Variants in IQCE observed in about 807,000 individuals in gnomAD.
The protein encoded by IQCE is IQ motif containing E, also known as IQ domain-containing protein E.
IQCE carries 115 observed loss-of-function variants against 96.0 expected under a neutral mutation model. The observed-to-expected ratio is 1.20, with a 90% CI of 1.03 to 1.40. The LOEUF is 1.40. Ranked by LOEUF, IQCE falls within the 40% of genes most tolerant of loss-of-function variation. The pLI is 0.00. For missense variants in IQCE, 1,041 were observed against 909.1 expected, an observed-to-expected ratio of 1.15 and a Z score of -1.87; for synonymous variants, 412 against 371.2, an observed-to-expected ratio of 1.11 and a Z score of -1.26.
intron 3 of IQCE, among the ~76,000 whole-genome samples, chr7:2,570,364 G>A (rs1178552835): frequency 2.0e-5 from 3 of 151,764 alleles, no homozygotes; most frequent in Non-Finnish European, 4.4e-5. Flanking sequence ...CTCTTAGGAG[G>A]GAAATGTAAT....
chr7:2,563,126 A>G (rs1019344361), intron 1 of IQCE, among the ~76,000 whole-genome samples: 6 of 151,924 alleles, frequency 3.9e-5, no homozygotes, highest in South Asian at 2.1e-4. Context: ...GGGTGTCACT[A>G]TGTCACCCAG....
intron 15 of IQCE, 31 bp from the exon 16 acceptor site, chr7:2,594,855 A>T: frequency 1.1e-5 from 15 of 1,338,926 alleles, no homozygotes; most frequent in Non-Finnish European, 1.6e-5. Context: ...GTGACAGGTG[A>T]GGTGTCTCAT....
intron 6 of IQCE, among the ~76,000 whole-genome samples, chr7:2,574,844 C>T (rs948688159): frequency 3.9e-5 from 6 of 152,204 alleles, no homozygotes; most frequent in African/African-American, 7.2e-5. Flanking sequence ...ATGCTTTCTG[C>T]TGGCCTCTGC....
At position 2,587,730 on chromosome 7, in the gene IQCE, C is replaced by T. The variant is rs1014797908; in HGVS notation, c.989-92C>T. Reference sequence around the variant, plus strand: ...GCAGCCCCGCAGGCTGCTCCGGCTGCGGAAGAGGAGCCTCAGGCCATACCT... The same window carrying T: ...GCAGCCCCGCAGGCTGCTCCGGCTGTGGAAGAGGAGCCTCAGGCCATACCT... On this transcript the variant is annotated intron_variant, in intron 12 of 21. Coordinates refer to ENST00000402050, the MANE Select transcript of IQCE (RefSeq NM_152558.5). The T allele has an allele frequency of 2.1e-5, 27 of 1,290,304 alleles. 1 individual carries two copies. The highest frequency in any genetic ancestry group is 7.0e-5 in the East Asian group (3 of 43,000). The allele number at this position is 1,290,304 out of a possible 1,614,324, so 79.9% of individuals were successfully genotyped here. A position where few individuals can be genotyped will look rare whatever the true frequency, so the allele number is the denominator to read the frequency against.
intron 13 of IQCE, among the ~76,000 whole-genome samples, chr7:2,588,420 C>G (rs566565149): frequency 6.6e-6 from 1 of 150,384 alleles, no homozygotes; most frequent in Non-Finnish European, 1.5e-5. Flanking sequence ...GTGGCGCGAT[C>G]TCAGGTCACG....
chr7:2,582,545 G>T (rs774662924), intron 8 of IQCE, 35 bp from the exon 9 acceptor site: 1 of 1,597,338 alleles, frequency 6.3e-7, no homozygotes, highest in Non-Finnish European at 8.6e-7. Flanking sequence ...GGGAGAGAGG[G>T]CGTGGCCTGC....
intron 1 of IQCE, among the ~76,000 whole-genome samples, chr7:2,560,524 C>T (rs191605504): frequency 2.0e-5 from 3 of 152,352 alleles, no homozygotes; most frequent in Non-Finnish European, 4.4e-5. Context: ...CCCCAGGGCA[C>T]CACGTCCTGT....
chr7:2,564,590 T>G (rs1306421196), intron 1 of IQCE, among the ~76,000 whole-genome samples: 2 of 151,978 alleles, frequency 1.3e-5, no homozygotes, highest in Non-Finnish European at 2.9e-5. Context: ...AAGGCGAGAT[T>G]CTGTCTCAAA....
chr7:2,607,622 C>T, intron 21 of IQCE: 1 of 1,045,928 alleles, frequency 9.6e-7, no homozygotes, highest in Non-Finnish European at 1.2e-6. Context: ...CAGGATGCCA[C>T]ACCCTGGTGT....
intron 14 of IQCE, among the ~76,000 whole-genome samples, chr7:2,590,716 G>A (rs1268398430): frequency 2.0e-5 from 3 of 152,038 alleles, no homozygotes; most frequent in Non-Finnish European, 4.4e-5. Context: ...AGTGAGCTAT[G>A]ATCATGTCAC....
intron 13 of IQCE, among the ~76,000 whole-genome samples, chr7:2,588,682 T>TTTTTTTG (rs71026532): frequency 7.7e-6 from 1 of 130,020 alleles, no homozygotes; most frequent in African/African-American, 3.0e-5. Context: ...TTTTTTTTTT[T>TTTTTTTG]GAGGTGGAGT....
intron 2 of IQCE, among the ~76,000 whole-genome samples, 190 bp from the exon 3 acceptor site, chr7:2,568,764 G>A (rs1352180334): frequency 6.6e-6 from 1 of 152,150 alleles, no homozygotes; most frequent in Non-Finnish European, 1.5e-5. Context: ...GAGCACTGAC[G>A]TGAGTGCATT....
intron 16 of IQCE, 112 bp downstream of exon 16, chr7:2,595,088 A>C: frequency 1.4e-6 from 1 of 735,322 alleles, no homozygotes; most frequent in Non-Finnish European, 2.5e-6. Context: ...TGAAAATCCC[A>C]CTCCCCTTTA....
In IQCE at chr7:2,578,334, GCAGCTCCTGGATCCCAGCCGCGT is replaced by G. The variant is rs1782368163; in HGVS notation, c.559_579+2del. 1 of 1,614,028 alleles carries G rather than the reference GCAGCTCCTGGATCCCAGCCGCGT, an allele frequency of 6.2e-7. No homozygotes were observed. The highest frequency in any genetic ancestry group is 1.1e-5 in the South Asian group (1 of 91,092). ...ACAGCAGGAAGGACCGGCAGATAGA[GCAGCTCCTGGATCCCAGCCGCGT>G]AAGCTCCTGGCGCTTCACGGACGGG... On this transcript the variant is annotated splice_donor_variant and coding_sequence_variant, in exon 7 of 22. Transcript: ENST00000402050. LOFTEE classifies it high-confidence loss of function.
chr7:2,582,530 A>G, intron 8 of IQCE, 50 bp from the exon 9 acceptor site: 1 of 1,528,196 alleles, frequency 6.5e-7, no homozygotes, highest in Non-Finnish European at 9.0e-7. Context: ...AGCCGCTTCT[A>G]CTGAGGGAGA....
intron 21 of IQCE, 143 bp downstream of exon 21, chr7:2,607,370 G>A (rs766831113): frequency 1.2e-5 from 17 of 1,405,720 alleles, no homozygotes; most frequent in African/African-American, 7.5e-5. Flanking sequence ...TGAACTAAGC[G>A]TCGCCTTATG....
intron 16 of IQCE, among the ~76,000 whole-genome samples, chr7:2,595,863 A>G (rs1229188697): frequency 6.7e-6 from 1 of 149,200 alleles, no homozygotes; most frequent in Admixed American, 6.7e-5. Context: ...GGTCACAGCC[A>G]TGCTCTGCTC....
At chr7:2,582,149 C>T (rs78064552) in intron 8 of IQCE, 4 of 445,780 alleles carry the variant, frequency 9.0e-6, no homozygotes, top group Non-Finnish European at 1.4e-5. Context: ...CCTACGGCCG[C>T]GCTGTCTCCC....
At position 2,571,470 on chromosome 7, in the gene IQCE, G is replaced by T. The variant is rs1418026102; in HGVS notation, c.131-56G>T. ...ATTTCTGTCTTTCTGAAGTTCATGT[G>T]TTGAGCTCACATGTTGCTGTCCGGC... is the stretch of plus-strand genomic sequence containing the variant. On this transcript the variant is annotated intron_variant, in intron 3 of 21. Transcript: ENST00000402050. 10 of 1,599,280 alleles carry T rather than the reference G, an allele frequency of 6.3e-6. No homozygotes were observed. In the South Asian group the frequency reaches 7.7e-5, roughly 12 times the overall value.
Sources: gnomAD v4.1 joint callset for allele counts (sites outside exome capture counted in the v4.1 genomes callset) on GRCh38, gnomAD v4.1.1 for gene constraint, MANE v1.5 for transcripts, NCBI Gene and HGNC (gene_info 2026-07-23, HGNC 2026-07-21) for gene names.